The following TVP23B variants were observed in gnomAD, a reference collection of about 807,000 sequenced individuals.
TVP23B encodes Golgi apparatus membrane protein TVP23 homolog B.
TVP23B carries 10 observed loss-of-function variants against 30.6 expected under a neutral mutation model. That is an observed-to-expected ratio of 0.33 (90% CI 0.20 to 0.55). The LOEUF is 0.55. TVP23B is among the 20% of genes least tolerant of loss of function. TVP23B has a pLI of 0.91. For missense variants in TVP23B, 153 were observed against 243.2 expected (o/e 0.63, Z 2.47); for synonymous variants, 67 against 83.1 (o/e 0.81, Z 1.06).
intron 2 of TVP23B, chr17:18,789,699 A>G (rs2035962738): frequency 2.4e-6 from 1 of 410,044 alleles, no homozygotes; most frequent in South Asian, 4.5e-5. Context: ...TTTTCCAAGA[A>G]TGTACCATTT....
In TVP23B at chr17:18,799,317, T is replaced by G. The variant is rs912545785; in HGVS notation, c.462+374T>G. Reference sequence around the variant, plus strand: ...GCTGGGAGATTCTGGCTTGGGGTCTTGAGTAGTTGTAGTCAGACAGTAGTT... The same window carrying G: ...GCTGGGAGATTCTGGCTTGGGGTCTGGAGTAGTTGTAGTCAGACAGTAGTT... On this transcript the variant is annotated intron_variant, in intron 5 of 6. Coordinates refer to ENST00000307767, the MANE Select transcript of TVP23B (RefSeq NM_016078.6). Among the ~76,000 whole-genome samples, 28 of 150,862 alleles carry G rather than the reference T, an allele frequency of 1.9e-4. No homozygotes were observed. In the East Asian group the frequency reaches 1.9e-3, roughly 11 times the overall value.
At position 18,805,661 on chromosome 17, in the gene TVP23B, GTGTTGGC is replaced by G. The variant is rs1232446592; in HGVS notation, c.*96_*102del. On this transcript the variant is annotated 3_prime_UTR_variant, in exon 7 of 7. Transcript: ENST00000307767. Reference sequence around the variant, plus strand: ...AGCTTAGTCCATGTTGCAACGAGGAGTGTTGGCTTTGTTTTTCCACTTAAAAACTTTA... The same window carrying G: ...AGCTTAGTCCATGTTGCAACGAGGAGTTTGTTTTTCCACTTAAAAACTTTA... 1 of 1,503,584 alleles carries G rather than the reference GTGTTGGC, an allele frequency of 6.7e-7. No homozygotes were observed. The highest frequency in any genetic ancestry group is 1.4e-5 in the African/African-American group (1 of 70,144). The allele number at this position is 1,503,584 out of a possible 1,614,324, so 93.1% of individuals were successfully genotyped here.
intron 5 of TVP23B, among the ~76,000 whole-genome samples, chr17:18,799,848 A>G (rs1405762574): frequency 6.6e-6 from 1 of 151,988 alleles, no homozygotes; most frequent in Non-Finnish European, 1.5e-5. Context: ...GTATTTTCTT[A>G]GTCCTATTTT....
At chr17:18,793,608 A>T (rs571651116) in intron 3 of TVP23B, among the ~76,000 whole-genome samples, 111 of 152,010 alleles carry the variant, frequency 7.3e-4, no homozygotes, top group African/African-American at 2.2e-3. Context: ...AAAAAAAAAA[A>T]AAAATAATGG....
chr17:18,804,652 A>G lies in TVP23B; in HGVS notation c.591+386A>G, dbSNP rs1421209801. The G allele has an allele frequency of 7.8e-6, 8 of 1,022,796 alleles. No individual in the cohort carries two copies. In the South Asian group the frequency reaches 1.4e-4, roughly 18 times the overall value. The allele number at this position is 1,022,796 out of a possible 1,614,324, so 63.4% of individuals were successfully genotyped here. On this transcript the variant is annotated intron_variant, in intron 6 of 6. Coordinates refer to ENST00000307767, the MANE Select transcript of TVP23B (RefSeq NM_016078.6). ...CGCCCAGGCTGGAGTGCAGTGGTGCAATCTTGGCTCACTGCAACCTCTGCC... is the reference window on the plus strand; with the variant it reads ...CGCCCAGGCTGGAGTGCAGTGGTGCGATCTTGGCTCACTGCAACCTCTGCC...
rs561473192 is a variant in TVP23B, at chr17:18,803,175, G to A, written c.463-963G>A. Among the ~76,000 whole-genome samples the A allele has an allele frequency of 3.9e-4, 59 of 152,132 alleles. No individual in the cohort carries two copies. In the East Asian group the frequency reaches 9.9e-3, roughly 25 times the overall value. On this transcript the variant is annotated intron_variant, in intron 5 of 6. Transcript: ENST00000307767. Reference sequence around the variant, plus strand: ...GTCACAGATATAAAAGAGTAGAATGGTCGATGAGCTGTTTATTCCAGAACA... The same window carrying A: ...GTCACAGATATAAAAGAGTAGAATGATCGATGAGCTGTTTATTCCAGAACA...
intron 2 of TVP23B, among the ~76,000 whole-genome samples, chr17:18,790,459 G>T (rs1310874538): frequency 2.9e-5 from 2 of 69,496 alleles, no homozygotes; most frequent in Non-Finnish European, 5.4e-5. Context: ...GCGAGACTCC[G>T]TCTCAAAAAA....
intron 4 of TVP23B, among the ~76,000 whole-genome samples, chr17:18,798,529 A>C (rs1173272063): frequency 6.6e-6 from 1 of 152,160 alleles, no homozygotes; most frequent in African/African-American, 2.4e-5. Context: ...AAATAGTACA[A>C]GTGCAAGAAG....
chr17:18,804,126 C>T lies in TVP23B; in HGVS notation c.463-12C>T, dbSNP rs770980004. The T allele has an allele frequency of 6.2e-7, 1 of 1,612,200 alleles. No individual in the cohort carries two copies. The highest frequency in any genetic ancestry group is 8.5e-7 in the Non-Finnish European group (1 of 1,179,240). The stretch of plus-strand genomic sequence containing the variant: ...GGCCAGTAACCATTGATTATTTTTT[C>T]CCTTGTCCCAGGCGGTGGTTATCAT... On this transcript the variant is annotated splice_polypyrimidine_tract_variant and intron_variant, in intron 5 of 6. Coordinates refer to ENST00000307767, the MANE Select transcript of TVP23B (RefSeq NM_016078.6).
At chr17:18,788,056 G>C (rs1300838810) in intron 1 of TVP23B, among the ~76,000 whole-genome samples, 5 of 145,534 alleles carry the variant, frequency 3.4e-5, no homozygotes, top group Admixed American at 7.1e-5. Flanking sequence ...TAAGGTTATG[G>C]GGCCGGGCAT....
intron 3 of TVP23B, among the ~76,000 whole-genome samples, chr17:18,794,148 C>G (rs937700436): frequency 1.3e-5 from 2 of 152,008 alleles, no homozygotes; most frequent in African/African-American, 4.8e-5. Flanking sequence ...CTTTAACAAA[C>G]CAAAGTGCCA....
At chr17:18,794,330 A>G (rs1164276608) in intron 3 of TVP23B, among the ~76,000 whole-genome samples, 2 of 152,236 alleles carry the variant, frequency 1.3e-5, no homozygotes, top group Non-Finnish European at 2.9e-5. Context: ...TGCCCAAAGC[A>G]CCTACATTTT....
At chr17:18,805,392 C>T (rs1197406305) in intron 6 of TVP23B, 149 bp from the exon 7 acceptor site, 1 of 1,427,492 alleles carries the variant, frequency 7.0e-7, no homozygotes, top group Non-Finnish European at 9.2e-7. Flanking sequence ...CCTAGCATGT[C>T]TACTTTTTAA....
At chr17:18,787,110 CTT>C (rs2035919077) in intron 1 of TVP23B, among the ~76,000 whole-genome samples, 1 of 151,764 alleles carries the variant, frequency 6.6e-6, no homozygotes, top group African/African-American at 2.4e-5. Flanking sequence ...CAAAGACAGT[CTT>C]GGTTGGGCGT....
intron 5 of TVP23B, 101 bp downstream of exon 5, chr17:18,799,044 C>G: frequency 2.2e-6 from 3 of 1,359,652 alleles, no homozygotes; most frequent in Non-Finnish European, 2.9e-6. Context: ...AGGGACCTAT[C>G]TTGAATAGGC....
chr17:18,788,626 A>T (rs1230512580), intron 1 of TVP23B, among the ~76,000 whole-genome samples: 8 of 150,618 alleles, frequency 5.3e-5, no homozygotes, highest in Non-Finnish European at 1.0e-4. Context: ...AACTAAAAAT[A>T]CGAAAATTAG....
At chr17:18,801,308 C>T (rs1202499425) in intron 5 of TVP23B, among the ~76,000 whole-genome samples, 3 of 151,924 alleles carry the variant, frequency 2.0e-5, no homozygotes, top group Non-Finnish European at 4.4e-5. Flanking sequence ...TACTATGCTT[C>T]TTTTTTCTTT....
At chr17:18,792,545 C>T (rs1430773182) in intron 3 of TVP23B, among the ~76,000 whole-genome samples, 9 of 152,174 alleles carry the variant, frequency 5.9e-5, no homozygotes, top group South Asian at 2.1e-4. Flanking sequence ...TTTTGATACA[C>T]GTTTCTTTTT....
At chr17:18,795,561 T>C (rs1291365931) in intron 3 of TVP23B, among the ~76,000 whole-genome samples, 1 of 152,220 alleles carries the variant, frequency 6.6e-6, no homozygotes, top group Non-Finnish European at 1.5e-5. Context: ...TCCTAATCTT[T>C]TTATGCCATG....
Sources: gnomAD v4.1 joint callset for allele counts (sites outside exome capture counted in the v4.1 genomes callset) on GRCh38, gnomAD v4.1.1 for gene constraint, MANE v1.5 for transcripts, NCBI Gene and HGNC (gene_info 2026-07-23, HGNC 2026-07-21) for gene names.